Variants in CDHR2 observed in about 807,000 individuals in gnomAD.
CDHR2 encodes the protein cadherin-related family member 2.
In CDHR2, 104 loss-of-function variants were observed where a neutral mutation model predicts 138.6. The observed-to-expected ratio is 0.75, with a 90% CI of 0.64 to 0.88. The LOEUF (loss-of-function observed/expected upper bound fraction) is 0.88, where lower values mean the gene tolerates loss of function less well. CDHR2 is among the 40% of genes least tolerant of loss of function. The pLI, the probability that CDHR2 is intolerant of heterozygous loss-of-function variation, is 0.00. For missense variants in CDHR2, 1,624 were observed against 1,727.6 expected (o/e 0.94, Z 1.06); for synonymous variants, 755 against 742.8 (o/e 1.02, Z -0.27).
chr5:176,578,170 T>C (rs2113303379), intron 15 of CDHR2, 75 bp downstream of exon 15: 1 of 1,416,502 alleles, frequency 7.1e-7, no homozygotes, highest in Non-Finnish European at 9.8e-7. Flanking sequence ...TCTGCAGAGA[T>C]AGAATAGCTG....
At position 176,575,101 on chromosome 5, in the gene CDHR2, G is replaced by A. The variant is rs142348519; in HGVS notation, c.513G>A (p.Gly171=). ...TGCCCCAGGTCATCCCTAGCACTGG[G>A]GACAGCGAGCATCTCTTCCGGATCC... is the stretch of plus-strand genomic sequence containing the variant. ...YSIEKVIPST[G]DSEHLFRILA... Residue 171 remains glycine (G), a synonymous_variant, in exon 8 of 32, where the codon GGG becomes GGA. Transcript: ENST00000261944. 1 of 1,614,138 alleles carries A rather than the reference G, an allele frequency of 6.2e-7. No individual in the cohort carries two copies. The highest frequency in any genetic ancestry group is 8.5e-7 in the Non-Finnish European group (1 of 1,180,024).
intron 1 of CDHR2, chr5:176,556,619 C>G (rs550383783): frequency 6.6e-6 from 1 of 152,270 alleles, no homozygotes; most frequent in Non-Finnish European, 1.5e-5. Context: ...GAGCCGATAT[C>G]CTGCCACTGC....
chr5:176,549,246 G>C (rs970323287), upstream of CDHR2: 1 of 152,074 alleles, frequency 6.6e-6, no homozygotes, highest in South Asian at 2.1e-4. Flanking sequence ...ATTAGGAGTC[G>C]ACCCCTCCTG....
chr5:176,552,407 CA>C (rs1277966914), intron 1 of CDHR2, among the ~76,000 whole-genome samples: 3 of 152,214 alleles, frequency 2.0e-5, no homozygotes, highest in African/African-American at 7.2e-5. Flanking sequence ...CAGGAGCATT[CA>C]ACACCACTGG....
At position 176,571,256 on chromosome 5, in the gene CDHR2, A is replaced by ACGCACCCGTTTTCCAGAACAC. The variant is rs1273710456; in HGVS notation, c.363_383dup (p.Pro122_Ala128dup). The ACGCACCCGTTTTCCAGAACAC allele has an allele frequency of 6.2e-7, 1 of 1,612,742 alleles. No individual in the cohort carries two copies. Among genetic ancestry groups the ACGCACCCGTTTTCCAGAACAC allele is most frequent in the Admixed American group, 1.7e-5 (1 of 59,814 alleles). ...GTGATTGTGGAAGATAGAAACGACAACGCACCCGTTTTCCAGAACACCGCT... is the reference window on the plus strand; with the variant it reads ...GTGATTGTGGAAGATAGAAACGACAACGCACCCGTTTTCCAGAACACCGCACCCGTTTTCCAGAACACCGCT... On this transcript the variant is annotated inframe_insertion, in exon 6 of 32. Transcript: ENST00000261944.
In CDHR2 at chr5:176,590,628, A is replaced by G; in HGVS notation, c.3480A>G (p.Gly1160=). The G allele has an allele frequency of 6.2e-7, 1 of 1,613,876 alleles. No homozygotes were observed. The highest frequency in any genetic ancestry group is 1.1e-5 in the South Asian group (1 of 91,066). Residue 1160 remains glycine (G), a synonymous_variant, in exon 28 of 32, where the codon GGA becomes GGG. Coordinates refer to ENST00000261944, the MANE Select transcript of CDHR2 (RefSeq NM_017675.6). ...TCATCAGTGTCATCATAGGATTGGGAGTGGCTTTGCTGCTGGTCCTTGTGA... is the reference window on the plus strand; with the variant it reads ...TCATCAGTGTCATCATAGGATTGGGGGTGGCTTTGCTGCTGGTCCTTGTGA... ...KQLISVIIGL[G]VALLLVLVIM...
intron 21 of CDHR2, among the ~76,000 whole-genome samples, chr5:176,588,399 G>T (rs1361982055): frequency 1.7e-5 from 2 of 118,420 alleles, no homozygotes; most frequent in African/African-American, 6.1e-5. Flanking sequence ...TGTGGTGAGT[G>T]CATGAGAGAG....
chr5:176,585,257 G>A (rs1354022577), intron 19 of CDHR2, among the ~76,000 whole-genome samples: 1 of 152,138 alleles, frequency 6.6e-6, no homozygotes, highest in African/African-American at 2.4e-5. Flanking sequence ...ATTTATTGCA[G>A]TGCCTGGCAT....
chr5:176,580,956 T>C (rs1390044765), intron 16 of CDHR2, among the ~76,000 whole-genome samples: 2 of 149,774 alleles, frequency 1.3e-5, no homozygotes, highest in African/African-American at 4.9e-5. Flanking sequence ...CTTGCTGGAC[T>C]TCACACTTAT....
chr5:176,588,531 G>A (rs565201516), intron 21 of CDHR2, among the ~76,000 whole-genome samples: 44 of 135,414 alleles, frequency 3.2e-4, no homozygotes, highest in African/African-American at 1.2e-3. Context: ...GTGTGAGTGT[G>A]TTAGGGTGAG....
In CDHR2 at chr5:176,586,125, A is replaced by G. The variant is rs930450782; in HGVS notation, c.2806+100A>G. ...CTTGGACCCCAGGGGGAGCCTTTAGAAAGGGGGGAAGGCCTCTAATCCTGC... is the reference window on the plus strand; with the variant it reads ...CTTGGACCCCAGGGGGAGCCTTTAGGAAGGGGGGAAGGCCTCTAATCCTGC... On this transcript the variant is annotated intron_variant, in intron 20 of 31. Transcript: ENST00000261944. 52 of 882,390 alleles carry G rather than the reference A, an allele frequency of 5.9e-5. No individual in the cohort carries two copies. In the South Asian group the frequency reaches 7.3e-4, roughly 12 times the overall value. The allele number at this position is 882,390 out of a possible 1,614,324, so 54.7% of individuals were successfully genotyped here. A position where few individuals can be genotyped will look rare whatever the true frequency, so the allele number is the denominator to read the frequency against.
upstream of CDHR2, among the ~76,000 whole-genome samples, chr5:176,548,532 G>A (rs1353004731): frequency 3.3e-5 from 5 of 152,156 alleles, no homozygotes; most frequent in Admixed American, 6.5e-5. Flanking sequence ...CTGAGGTTAG[G>A]AGTTCGAGAC....
intron 1 of CDHR2, among the ~76,000 whole-genome samples, chr5:176,558,476 C>T (rs2113265593): frequency 6.6e-6 from 1 of 152,084 alleles, no homozygotes; most frequent in African/African-American, 2.4e-5. Flanking sequence ...CTCCGCCTCC[C>T]AGGTTCAAGC....
At chr5:176,590,006 C>T in intron 24 of CDHR2, 72 bp from the exon 25 acceptor site, 2 of 1,236,414 alleles carry the variant, frequency 1.6e-6, no homozygotes, top group South Asian at 2.4e-5. Flanking sequence ...AATTCTTAAT[C>T]CCACTGGCAC....
In CDHR2 at chr5:176,589,441, G is replaced by C; in HGVS notation, c.3117+3G>C. ...TGGAAGCCACCACCACCCTGAATGT[G>C]AGTGCTGGTCCCACCTCCAGCCCCC... On this transcript the variant is annotated splice_donor_region_variant and intron_variant, in intron 23 of 31. Coordinates refer to ENST00000261944, the MANE Select transcript of CDHR2 (RefSeq NM_017675.6). 1 of 1,606,062 alleles carries C rather than the reference G, an allele frequency of 6.2e-7. No homozygotes were observed. Among genetic ancestry groups the C allele is most frequent in the Non-Finnish European group, 8.5e-7 (1 of 1,174,696 alleles).
At chr5:176,567,612 C>A (rs1758114499) in intron 3 of CDHR2, among the ~76,000 whole-genome samples, 1 of 152,202 alleles carries the variant, frequency 6.6e-6, no homozygotes, top group African/African-American at 2.4e-5. Flanking sequence ...CTGCCTCAGC[C>A]TCCCCAGTAG....
At chr5:176,591,686 A>G (rs1758852714) in intron 30 of CDHR2, 1 of 583,992 alleles carries the variant, frequency 1.7e-6, no homozygotes, top group Admixed American at 2.7e-5. Context: ...GATGATGACA[A>G]CAATGATGGT....
At chr5:176,589,790 GCCCATA>G (rs1758797996) in intron 24 of CDHR2, among the ~76,000 whole-genome samples, 174 bp downstream of exon 24, 1 of 152,182 alleles carries the variant, frequency 6.6e-6, no homozygotes, top group African/African-American at 2.4e-5. Context: ...GTCCCCAGAA[GCCCATA>G]CCCAGCCAAG....
At chr5:176,570,716 C>T (rs1758205478) in intron 5 of CDHR2, among the ~76,000 whole-genome samples, 1 of 152,180 alleles carries the variant, frequency 6.6e-6, no homozygotes, top group African/African-American at 2.4e-5. Context: ...CTTTGGGACG[C>T]CAAGGCGGGC....
Sources: allele counts gnomAD v4.1 joint callset (sites outside exome capture counted in the v4.1 genomes callset), GRCh38; gene constraint gnomAD v4.1.1; transcripts MANE v1.5; gene names NCBI Gene and HGNC (gene_info 2026-07-23, HGNC 2026-07-21).